SH3RF3: variants seen among roughly 807,000 people sequenced by gnomAD.
The protein encoded by SH3RF3 is SH3 domain containing ring finger 3, also known as E3 ubiquitin-protein ligase SH3RF3.
Under a neutral mutation model 66.3 loss-of-function variants are expected in SH3RF3, and 29 were observed. That is an observed-to-expected ratio of 0.44 (90% CI 0.33 to 0.60). The LOEUF is 0.60. Ranked by LOEUF, SH3RF3 falls within the 20% of genes least tolerant of loss-of-function variation. SH3RF3 has a pLI of 0.04. For synonymous variants in SH3RF3, 583 were observed against 532.0 expected (o/e 1.10, Z -1.32); for missense variants, 1,194 against 1,190.9 (o/e 1.00, Z -0.04).
intron 2 of SH3RF3, among the ~76,000 whole-genome samples, chr2:109,362,951 G>A (rs571778868): frequency 2.6e-5 from 4 of 152,146 alleles, no homozygotes; most frequent in South Asian, 2.1e-4. Flanking sequence ...GCTTGTGTGT[G>A]TATATTTAAA....
chr2:109,367,760 T>G (rs1683178601), intron 2 of SH3RF3, among the ~76,000 whole-genome samples: 1 of 152,260 alleles, frequency 6.6e-6, no homozygotes, highest in South Asian at 2.1e-4. Flanking sequence ...CTGTAATGAA[T>G]GTCTTCAGTA....
chr2:109,443,368 C>G (rs561504384), intron 7 of SH3RF3, among the ~76,000 whole-genome samples: 10 of 152,316 alleles, frequency 6.6e-5, no homozygotes, highest in Admixed American at 6.5e-4. Flanking sequence ...CTCCTGTCAT[C>G]TCTGTGTGAC....
chr2:109,287,351 C>T (rs1361786921), intron 1 of SH3RF3, among the ~76,000 whole-genome samples: 4 of 152,132 alleles, frequency 2.6e-5, no homozygotes, highest in Non-Finnish European at 4.4e-5. Context: ...TAAGAAAGTA[C>T]ATCTTGACTC....
chr2:109,262,738 C>A (rs1680385872), intron 1 of SH3RF3, among the ~76,000 whole-genome samples: 1 of 152,168 alleles, frequency 6.6e-6, no homozygotes, highest in Non-Finnish European at 1.5e-5. Flanking sequence ...TCTCACTTAC[C>A]TCCTTGGTTC....
intron 8 of SH3RF3, among the ~76,000 whole-genome samples, chr2:109,490,365 C>T (rs919966245): frequency 1.3e-5 from 2 of 152,202 alleles, no homozygotes; most frequent in African/African-American, 4.8e-5. Context: ...CCTGGTGTGC[C>T]TGCAAGCGTC....
At chr2:109,435,279 A>C (rs1677367610) in intron 6 of SH3RF3, among the ~76,000 whole-genome samples, 1 of 152,204 alleles carries the variant, frequency 6.6e-6, no homozygotes, top group African/African-American at 2.4e-5. Flanking sequence ...CTTTATCCCC[A>C]GAAGTGGAAG....
At chr2:109,400,806 C>G (rs961478831) in intron 4 of SH3RF3, among the ~76,000 whole-genome samples, 1 of 152,234 alleles carries the variant, frequency 6.6e-6, no homozygotes, top group Non-Finnish European at 1.5e-5. Flanking sequence ...TCATCTGCCC[C>G]CATGGTTACC....
rs115587069 is a variant in SH3RF3 at position 109,487,363 on chromosome 2, A to G, written c.2149-3242A>G. On this transcript the variant is annotated intron_variant, in intron 8 of 9. Transcript: ENST00000309415. The stretch of plus-strand genomic sequence containing the variant: ...CACCAGGGAAGTGCCTAGACCGTCT[A>G]CCTCCATATTCCATGGATTCCGTGA... 5.9e-3 allele frequency among the ~76,000 whole-genome samples: 905 copies of G among 152,140 alleles called. 8 individuals are homozygous for G. Among genetic ancestry groups the G allele is most frequent in the African/African-American group, 0.021 (858 of 41,488 alleles).
intron 8 of SH3RF3, among the ~76,000 whole-genome samples, chr2:109,477,053 A>G (rs905768523): frequency 2.6e-5 from 4 of 152,118 alleles, no homozygotes; most frequent in African/African-American, 9.7e-5. Context: ...TGTGACTTAG[A>G]ATGCCTTAAC....
intron 1 of SH3RF3, among the ~76,000 whole-genome samples, chr2:109,232,445 C>T (rs956115421): frequency 1.2e-4 from 18 of 152,184 alleles, no homozygotes; most frequent in Admixed American, 4.6e-4. Context: ...GTCTGCCTAT[C>T]TATCTGTAAA....
At chr2:109,138,136 C>A (rs1233826779) in intron 1 of SH3RF3, among the ~76,000 whole-genome samples, 1 of 152,218 alleles carries the variant, frequency 6.6e-6, no homozygotes, top group South Asian at 2.1e-4. Flanking sequence ...CTGCCTCAGC[C>A]TCCCAAGTGG....
chr2:109,197,474 C>A (rs755587567), intron 1 of SH3RF3, among the ~76,000 whole-genome samples: 28 of 152,186 alleles, frequency 1.8e-4, no homozygotes, highest in Non-Finnish European at 2.1e-4. Flanking sequence ...CTCTCCCCAA[C>A]CCCAGCAAAT....
chr2:109,139,698 G>A (rs1676895492), intron 1 of SH3RF3, among the ~76,000 whole-genome samples: 1 of 152,204 alleles, frequency 6.6e-6, no homozygotes. Context: ...ATCAAATGAG[G>A]TGACGTATAT....
chr2:109,129,506 GGCAGCC>G lies in SH3RF3; in HGVS notation c.-32_-27del. ...GGCTCCACGCCGGCCCCGGGACCTA[GGCAGCC>G]GCGCGAGACCGCTGCGGGCGCCTCC... is the stretch of plus-strand genomic sequence containing the variant. On this transcript the variant is annotated 5_prime_UTR_variant, in exon 1 of 10. Transcript: ENST00000309415. 1 of 1,495,548 alleles carries G rather than the reference GGCAGCC, an allele frequency of 6.7e-7. No homozygotes were observed. 92.6% of individuals were successfully genotyped at this position (1,495,548 alleles called of 1,614,324 possible).
intron 8 of SH3RF3, among the ~76,000 whole-genome samples, chr2:109,484,227 C>T (rs1354279662): frequency 1.3e-5 from 2 of 152,068 alleles, no homozygotes; most frequent in African/African-American, 4.8e-5. Flanking sequence ...CCACCACGCT[C>T]AGCTAATTCT....
chr2:109,188,041 G>T (rs957605754), intron 1 of SH3RF3, among the ~76,000 whole-genome samples: 7 of 152,196 alleles, frequency 4.6e-5, no homozygotes, highest in Non-Finnish European at 2.9e-5. Flanking sequence ...AGTCTGCACC[G>T]GCTTGCAGCC....
intron 1 of SH3RF3, among the ~76,000 whole-genome samples, chr2:109,162,462 G>A (rs1263532371): frequency 1.3e-5 from 2 of 151,906 alleles, no homozygotes; most frequent in Admixed American, 1.3e-4. Flanking sequence ...TGTGCACAAC[G>A]TGCAGGCTTG....
At chr2:109,239,250 T>C (rs1574522048) in intron 1 of SH3RF3, among the ~76,000 whole-genome samples, 1 of 152,124 alleles carries the variant, frequency 6.6e-6, no homozygotes, top group East Asian at 1.9e-4. Flanking sequence ...ACAGCTCACC[T>C]GGGTTTCTCA....
chr2:109,183,377 A>C (rs6749764), intron 1 of SH3RF3, among the ~76,000 whole-genome samples: 124,303 of 152,092 alleles, frequency 0.82, 50,921 homozygotes, highest in East Asian at 0.89. Flanking sequence ...GAGATGGTGA[A>C]CTCTCCCTTG....
Sources: gnomAD v4.1 joint callset for allele counts (sites outside exome capture counted in the v4.1 genomes callset) on GRCh38, gnomAD v4.1.1 for gene constraint, MANE v1.5 for transcripts, NCBI Gene and HGNC (gene_info 2026-07-23, HGNC 2026-07-21) for gene names.